The following SYT16 variants were observed in gnomAD, a reference collection of about 807,000 sequenced individuals.
SYT16 encodes the protein synaptotagmin 16.
In SYT16, 42 loss-of-function variants were observed where a neutral mutation model predicts 61.4. That is an observed-to-expected ratio of 0.68 (90% CI 0.53 to 0.89). The LOEUF is 0.89. Ranked by LOEUF, SYT16 falls within the 40% of genes least tolerant of loss-of-function variation. The pLI is 0.00. For synonymous variants in SYT16, 314 were observed against 302.3 expected, an observed-to-expected ratio of 1.04 and a Z score of -0.40; for missense variants, 804 against 807.3, an observed-to-expected ratio of 1.00 and a Z score of 0.05.
intron 1 of SYT16, among the ~76,000 whole-genome samples, chr14:61,957,851 C>T (rs2050944397): frequency 6.6e-6 from 1 of 151,700 alleles, no homozygotes; most frequent in Non-Finnish European, 1.5e-5. Flanking sequence ...CTCTTCTTCT[C>T]TTTTTAAGAG....
rs938729607 is a variant in SYT16 at position 62,091,379 on chromosome 14, G to C, written c.1624+6994G>C. Among the ~76,000 whole-genome samples, 3 of 152,262 alleles carry C rather than the reference G, an allele frequency of 2.0e-5. No homozygotes were observed. The South Asian group carries it at 6.2e-4, about 32-fold the overall frequency. The stretch of plus-strand genomic sequence containing the variant: ...AATTGAAATTAGAAGGAAGTAATGG[G>C]AAGCAAGAAGGAAGAATGAACAAAT... On this transcript the variant is annotated intron_variant, in intron 7 of 7. Transcript: ENST00000683842.
chr14:61,944,268 T>A (rs777100642), intron 1 of SYT16, among the ~76,000 whole-genome samples: 6 of 152,210 alleles, frequency 3.9e-5, no homozygotes, highest in African/African-American at 1.4e-4. Context: ...TCCATGTTAA[T>A]GGATAGGAAG....
At chr14:62,022,491 T>C (rs2053948887) in intron 3 of SYT16, among the ~76,000 whole-genome samples, 1 of 152,138 alleles carries the variant, frequency 6.6e-6, no homozygotes, top group Non-Finnish European at 1.5e-5. Context: ...TGTATTTAGG[T>C]GTGATCTGCT....
At chr14:61,974,693 C>T (rs777596486) in intron 2 of SYT16, among the ~76,000 whole-genome samples, 36 of 152,136 alleles carry the variant, frequency 2.4e-4, no homozygotes, top group Admixed American at 1.2e-3. Context: ...TGAAATTGAC[C>T]GAGTTACTTT....
intron 1 of SYT16, among the ~76,000 whole-genome samples, chr14:61,817,886 A>G (rs534169796): frequency 6.6e-6 from 1 of 152,350 alleles, no homozygotes; most frequent in East Asian, 1.9e-4. Context: ...TTATATGTAT[A>G]TGTGTATCAT....
At chr14:61,841,162 T>C (rs60640691) in intron 1 of SYT16, among the ~76,000 whole-genome samples, 24,270 of 152,188 alleles carry the variant, frequency 0.16, 2,167 homozygotes, top group African/African-American at 0.25. Flanking sequence ...CCAAGGTCTC[T>C]TAGGGTTATC....
intron 3 of SYT16, among the ~76,000 whole-genome samples, chr14:62,009,987 C>A (rs1050912171): frequency 6.6e-6 from 1 of 152,152 alleles, no homozygotes; most frequent in Non-Finnish European, 1.5e-5. Context: ...TATTCTTCTT[C>A]CTATTCATTT....
intron 2 of SYT16, among the ~76,000 whole-genome samples, chr14:61,984,411 T>A (rs1400908800): frequency 6.6e-6 from 1 of 152,310 alleles, no homozygotes; most frequent in Admixed American, 6.5e-5. Context: ...TAGAAGCCAA[T>A]GTGAAATGTC....
intron 1 of SYT16, among the ~76,000 whole-genome samples, chr14:61,838,519 G>A (rs1246270541): frequency 7.9e-5 from 12 of 152,112 alleles, no homozygotes; most frequent in Admixed American, 7.9e-4. Context: ...CACCTACCCA[G>A]GCACAGGTGG....
intron 2 of SYT16, among the ~76,000 whole-genome samples, chr14:61,972,953 A>G (rs1304333588): frequency 3.3e-5 from 5 of 152,180 alleles, no homozygotes; most frequent in Non-Finnish European, 7.3e-5. Context: ...CTTCTTCTCT[A>G]GCTTTCAGTC....
intron 1 of SYT16, among the ~76,000 whole-genome samples, chr14:61,834,109 A>G (rs1406302861): frequency 6.6e-6 from 1 of 151,632 alleles, no homozygotes; most frequent in Non-Finnish European, 1.5e-5. Flanking sequence ...AGCTCTGTAT[A>G]CTACACGGTT....
chr14:62,069,865 A>ATTCG (rs760109807), intron 4 of SYT16, 50 bp downstream of exon 4: 15 of 1,580,946 alleles, frequency 9.5e-6, no homozygotes, highest in African/African-American at 1.3e-5. Context: ...GCCAATGGTA[A>ATTCG]GAGTGCATCC....
At chr14:61,943,009 A>G (rs1036823096) in intron 1 of SYT16, among the ~76,000 whole-genome samples, 1 of 152,220 alleles carries the variant, frequency 6.6e-6, no homozygotes. Flanking sequence ...AAGAAAAGAG[A>G]GAAGAATCAA....
intron 1 of SYT16, among the ~76,000 whole-genome samples, chr14:61,867,834 TC>T: frequency 6.6e-6 from 1 of 152,196 alleles, no homozygotes; most frequent in South Asian, 2.1e-4. Context: ...TGAGGCAGTT[TC>T]CTTCTATTCC....
At chr14:61,859,337 A>G (rs1420309935) in intron 1 of SYT16, among the ~76,000 whole-genome samples, 2 of 152,080 alleles carry the variant, frequency 1.3e-5, no homozygotes, top group African/African-American at 4.8e-5. Flanking sequence ...TGGCGGCCAG[A>G]CACGGAGAGT....
intron 1 of SYT16, among the ~76,000 whole-genome samples, chr14:61,818,592 C>T (rs954564983): frequency 2.0e-5 from 3 of 150,666 alleles, no homozygotes; most frequent in African/African-American, 7.4e-5. Flanking sequence ...GCAGGAGAAT[C>T]GCTTGAACCT....
chr14:61,832,873 T>C (rs1227418006), intron 1 of SYT16, among the ~76,000 whole-genome samples: 3 of 152,214 alleles, frequency 2.0e-5, no homozygotes, highest in Admixed American at 1.3e-4. Flanking sequence ...TTTGCCAGAG[T>C]ATCTTATTCC....
In SYT16 at chr14:62,111,700, C is replaced by A. The variant is rs2057611858; in HGVS notation, c.*10993C>A. The A allele has an allele frequency of 6.6e-6, 1 of 152,030 alleles. No homozygotes were observed. The highest frequency in any genetic ancestry group is 1.5e-5 in the Non-Finnish European group (1 of 67,948). The allele number at this position is 152,030 out of a possible 1,614,324, so 9.4% of individuals were successfully genotyped here. A position where few individuals can be genotyped will look rare whatever the true frequency, so the allele number is the denominator to read the frequency against. On this transcript the variant is annotated 3_prime_UTR_variant, in exon 8 of 8. Coordinates refer to ENST00000683842, the MANE Select transcript of SYT16 (RefSeq NM_001367656.1). ...CCAGTGTTTCATAGGCATTTTCAGA[C>A]CTGGATGCTATTATAGTTCCTCCTC...
chr14:61,979,024 C>T (rs915842838), intron 2 of SYT16, among the ~76,000 whole-genome samples: 2 of 152,142 alleles, frequency 1.3e-5, no homozygotes, highest in African/African-American at 4.8e-5. Flanking sequence ...TCTGGCTGTC[C>T]CATCTCTGTA....
Sources: gnomAD v4.1 joint callset for allele counts (sites outside exome capture counted in the v4.1 genomes callset) on GRCh38, gnomAD v4.1.1 for gene constraint, MANE v1.5 for transcripts, NCBI Gene and HGNC (gene_info 2026-07-23, HGNC 2026-07-21) for gene names.